Variants in AGBL4 observed in about 807,000 individuals in gnomAD.
The protein encoded by AGBL4 is AGBL carboxypeptidase 4.
A neutral mutation model predicts 66.4 loss-of-function variants in AGBL4; 58 were observed. That is an observed-to-expected ratio of 0.87 (90% CI 0.71 to 1.09). The LOEUF (loss-of-function observed/expected upper bound fraction) is 1.09. Ranked by LOEUF, AGBL4 falls within the 50% of genes least tolerant of loss-of-function variation. The probability of loss-of-function intolerance (pLI) is 0.00; values close to 1 mark genes in which losing one functional copy is unlikely to be tolerated. For missense variants in AGBL4, 579 were observed against 631.0 expected (o/e 0.92, Z 0.88); for synonymous variants, 234 against 222.9 (o/e 1.05, Z -0.44).
At chr1:49,245,658 A>T in intron 4 of AGBL4, 112 bp downstream of exon 4, 1 of 707,844 alleles carries the variant, frequency 1.4e-6, no homozygotes, top group Non-Finnish European at 2.3e-6. Context: ...ATTTTCTTTT[A>T]AAAATTTTTA....
intron 4 of AGBL4, among the ~76,000 whole-genome samples, chr1:49,127,619 C>T (rs534441101): frequency 1.3e-5 from 2 of 152,078 alleles, no homozygotes; most frequent in South Asian, 4.1e-4. Flanking sequence ...GGCAGGCAAA[C>T]AGCAACTAGG....
chr1:49,649,736 T>G (rs1167874235), intron 3 of AGBL4, among the ~76,000 whole-genome samples: 1 of 152,080 alleles, frequency 6.6e-6, no homozygotes, highest in African/African-American at 2.4e-5. Flanking sequence ...TAGACCTCAT[T>G]TGGAGCCATA....
chr1:49,533,637 A>G (rs1396860423), intron 3 of AGBL4, among the ~76,000 whole-genome samples: 1 of 151,836 alleles, frequency 6.6e-6, no homozygotes. Context: ...GCTATACTCT[A>G]CTCTTCAAGT....
chr1:48,565,186 T>C (rs1644456928), intron 11 of AGBL4, among the ~76,000 whole-genome samples: 1 of 152,170 alleles, frequency 6.6e-6, no homozygotes, highest in African/African-American at 2.4e-5. Flanking sequence ...TGGTTACAGA[T>C]GGGAGCAAAC....
At chr1:48,871,353 T>TGGTGTGTGTGTGTGTG (rs1553247482) in intron 5 of AGBL4, among the ~76,000 whole-genome samples, 1 of 140,978 alleles carries the variant, frequency 7.1e-6, no homozygotes. Flanking sequence ...GTAGTAGTGG[T>TGGTGTGTGTGTGTGTG]TGTGTGTGTG....
At chr1:49,948,018 A>AATATATATATTTATATATATATATT (rs1655479445) in intron 1 of AGBL4, among the ~76,000 whole-genome samples, 2 of 83,656 alleles carry the variant, frequency 2.4e-5, no homozygotes, top group African/African-American at 1.3e-4. Context: ...AAATATATAA[A>AATATATATATTTATATATATATATT]TATATATAAA....
intron 3 of AGBL4, among the ~76,000 whole-genome samples, chr1:49,681,243 T>C (rs1245322685): frequency 6.6e-6 from 1 of 152,226 alleles, no homozygotes; most frequent in Admixed American, 6.5e-5. Context: ...AGTTGAGATT[T>C]CCCCAGTTCT....
intron 6 of AGBL4, chr1:48,776,625 G>C: frequency 6.8e-7 from 1 of 1,472,638 alleles, no homozygotes. Flanking sequence ...CCAGGATCTG[G>C]GCCTTGTGGA....
At chr1:48,573,853 A>C (rs948651030) in intron 11 of AGBL4, among the ~76,000 whole-genome samples, 2 of 152,190 alleles carry the variant, frequency 1.3e-5, no homozygotes, top group South Asian at 4.1e-4. Context: ...GTTCCAGGTA[A>C]TCTATTAGGC....
At chr1:49,083,680 C>T (rs1250769029) in intron 4 of AGBL4, among the ~76,000 whole-genome samples, 5 of 152,258 alleles carry the variant, frequency 3.3e-5, no homozygotes, top group South Asian at 2.1e-4. Flanking sequence ...TTTGGCTCCT[C>T]GTTATTTATG....
chr1:49,747,357 C>A (rs1423336084), intron 2 of AGBL4, among the ~76,000 whole-genome samples: 2 of 152,074 alleles, frequency 1.3e-5, no homozygotes, highest in Admixed American at 6.6e-5. Flanking sequence ...AGCAACATAG[C>A]GTAGTGAAAA....
intron 2 of AGBL4, among the ~76,000 whole-genome samples, chr1:49,817,699 A>G (rs1571630925): frequency 6.8e-6 from 1 of 147,130 alleles, no homozygotes; most frequent in African/African-American, 2.4e-5. Flanking sequence ...AATTTTACTT[A>G]TAAGATTGCT....
chr1:48,860,066 C>T (rs1345535305), intron 6 of AGBL4, among the ~76,000 whole-genome samples: 1 of 152,098 alleles, frequency 6.6e-6, no homozygotes, highest in Non-Finnish European at 1.5e-5. Flanking sequence ...ATATCTACAA[C>T]TGTGTATACT....
intron 4 of AGBL4, among the ~76,000 whole-genome samples, chr1:49,173,617 T>C (rs778281732): frequency 7.9e-5 from 12 of 152,114 alleles, no homozygotes; most frequent in Admixed American, 2.0e-4. Flanking sequence ...ATTATACTAA[T>C]GAAAAAAGAT....
chr1:49,623,610 C>G (rs961296027), intron 3 of AGBL4, among the ~76,000 whole-genome samples: 14 of 152,126 alleles, frequency 9.2e-5, no homozygotes, highest in Non-Finnish European at 5.9e-5. Context: ...GTCCAAAGAC[C>G]AAGACTATAA....
chr1:49,785,261 C>T (rs1164028369), intron 2 of AGBL4, among the ~76,000 whole-genome samples: 2 of 151,798 alleles, frequency 1.3e-5, no homozygotes, highest in African/African-American at 4.8e-5. Flanking sequence ...AATATCTATC[C>T]CACAGCAAGG....
At chr1:48,940,718 G>T (rs914250893) in intron 5 of AGBL4, among the ~76,000 whole-genome samples, 1 of 152,272 alleles carries the variant, frequency 6.6e-6, no homozygotes, top group Admixed American at 6.5e-5. Flanking sequence ...ACCCTCAACG[G>T]TTATATCCAA....
In AGBL4 at chr1:49,956,146, T is replaced by C. The variant is rs533893374; in HGVS notation, c.34+67617A>G. ...TGTCAGAACATAAATATGTTTATTT[T>C]ATATGTTAAAAATTGTGTGATGAGC... On this transcript the variant is annotated intron_variant, in intron 1 of 13. Coordinates refer to ENST00000371839, the MANE Select transcript of AGBL4 (RefSeq NM_032785.4). Among the ~76,000 whole-genome samples, 4 of 152,048 alleles carry C rather than the reference T, an allele frequency of 2.6e-5. No homozygotes were observed. In the East Asian group the frequency reaches 5.8e-4, roughly 22 times the overall value.
At chr1:49,410,398 T>G (rs1645292603) in intron 3 of AGBL4, among the ~76,000 whole-genome samples, 1 of 152,180 alleles carries the variant, frequency 6.6e-6, no homozygotes, top group Admixed American at 6.5e-5. Flanking sequence ...AGTTCTGGAA[T>G]CCCTCTAACC....
Sources: gnomAD v4.1 joint callset for allele counts (sites outside exome capture counted in the v4.1 genomes callset) on GRCh38, gnomAD v4.1.1 for gene constraint, MANE v1.5 for transcripts, NCBI Gene and HGNC (gene_info 2026-07-23, HGNC 2026-07-21) for gene names.